Variants in ZFHX3 observed in about 807,000 individuals in gnomAD.
The protein encoded by ZFHX3 is zinc finger homeobox protein 3.
In ZFHX3, 42 loss-of-function variants were observed where a neutral mutation model predicts 279.1. The observed-to-expected ratio is 0.15, with a 90% CI of 0.12 to 0.19. ZFHX3 has a LOEUF of 0.19. ZFHX3 is among the 10% of genes least tolerant of loss of function. The pLI is 1.00. For missense variants in ZFHX3, 4,981 were observed against 4,754.0 expected, an observed-to-expected ratio of 1.05 and a Z score of -1.40; for synonymous variants, 2,293 against 1,957.8, an observed-to-expected ratio of 1.17 and a Z score of -4.52.
At chr16:73,778,505 G>A (rs951265551) in intron 1 of ZFHX3, among the ~76,000 whole-genome samples, 4 of 152,160 alleles carry the variant, frequency 2.6e-5, no homozygotes, top group Admixed American at 2.0e-4. Flanking sequence ...TCCCTCAGTG[G>A]TAGCAGCAAT....
intron 4 of ZFHX3, among the ~76,000 whole-genome samples, chr16:72,846,566 C>T (rs988432071): frequency 6.6e-6 from 1 of 152,216 alleles, no homozygotes; most frequent in Non-Finnish European, 1.5e-5. Flanking sequence ...GTCCTGAGAC[C>T]CACCACTCCC....
At chr16:72,986,862 C>T (rs1243031362) in intron 1 of ZFHX3, among the ~76,000 whole-genome samples, 1 of 152,080 alleles carries the variant, frequency 6.6e-6, no homozygotes, top group East Asian at 1.9e-4. Flanking sequence ...AACATAGAAC[C>T]CAGCCAGGTG....
At chr16:73,769,367 T>C (rs1195311335) in intron 1 of ZFHX3, among the ~76,000 whole-genome samples, 4 of 152,168 alleles carry the variant, frequency 2.6e-5, no homozygotes, top group Non-Finnish European at 5.9e-5. Flanking sequence ...CTCTTTCAGA[T>C]TGATTGAAAA....
intron 5 of ZFHX3, among the ~76,000 whole-genome samples, chr16:73,230,749 G>A (rs1183833828): frequency 6.6e-6 from 1 of 152,182 alleles, no homozygotes; most frequent in East Asian, 1.9e-4. Context: ...ATGAGTAGGG[G>A]CACCTCAGCC....
At chr16:73,687,869 A>G (rs10598478) in intron 1 of ZFHX3, among the ~76,000 whole-genome samples, 1 of 149,600 alleles carries the variant, frequency 6.7e-6, no homozygotes, top group African/African-American at 2.5e-5. Context: ...AAAAAAAAAA[A>G]CAGATTTAGT....
intron 7 of ZFHX3, among the ~76,000 whole-genome samples, chr16:73,125,691 A>G (rs1051476066): frequency 2.0e-5 from 3 of 151,974 alleles, no homozygotes; most frequent in Admixed American, 1.3e-4. Context: ...TCAGTTTTGG[A>G]ACTTGGACTG....
chr16:73,748,144 G>T (rs144084360), intron 1 of ZFHX3, among the ~76,000 whole-genome samples: 35 of 152,002 alleles, frequency 2.3e-4, no homozygotes, highest in African/African-American at 7.7e-4. Context: ...AAATTTCACG[G>T]GGATTTTTCA....
rs547443974 is a variant in ZFHX3 at position 73,492,438 on chromosome 16, C to T, written c.-1546-36180G>A. On this transcript the variant is annotated intron_variant, in intron 2 of 17. Transcript: ENST00000641206. ...ACTGCTATTCTCCTAGGAAGTATCC[C>T]TAACACCAGTCTCTCTCCACCCTGA... Among the ~76,000 whole-genome samples, 7 of 152,318 alleles carry T rather than the reference C, an allele frequency of 4.6e-5. No homozygotes were observed. In the East Asian group the frequency reaches 1.4e-3, roughly 29 times the overall value.
At chr16:73,602,912 T>G (rs1463997852) in intron 2 of ZFHX3, among the ~76,000 whole-genome samples, 1 of 144,244 alleles carries the variant, frequency 6.9e-6, no homozygotes, top group Non-Finnish European at 1.5e-5. Context: ...CACTCCAGCC[T>G]GGGTGAAACA....
chr16:73,498,260 C>T (rs1373281542), intron 2 of ZFHX3, among the ~76,000 whole-genome samples: 2 of 152,150 alleles, frequency 1.3e-5, no homozygotes, highest in Admixed American at 1.3e-4. Flanking sequence ...CAAATTAATT[C>T]ACATGGATAG....
chr16:72,930,430 G>A (rs1191863731), intron 3 of ZFHX3, among the ~76,000 whole-genome samples: 1 of 151,926 alleles, frequency 6.6e-6, no homozygotes, highest in African/African-American at 2.4e-5. Context: ...AAAAAAAAGA[G>A]GACGGGCGAT....
intron 2 of ZFHX3, among the ~76,000 whole-genome samples, chr16:73,632,900 C>A (rs2142148687): frequency 6.6e-6 from 1 of 152,120 alleles, no homozygotes; most frequent in South Asian, 2.1e-4. Context: ...CACAGTGAAA[C>A]CCTGTCTTTA....
Position 72,957,658 on chromosome 16 carries a change from G to A in ZFHX3, c.2488C>T (p.His830Tyr). Residue 830 changes from histidine (H) to tyrosine (Y), a missense_variant, in exon 2 of 10, where the codon CAT (histidine) becomes TAT (tyrosine). By Grantham distance (83) the His-to-Tyr change is moderately conservative. Around this residue, in one of 7 missense-constraint regions of ZFHX3, gnomAD observed 1,751 missense variants for 1,770.0 expected, o/e 0.99. Transcript: ENST00000268489. ...RIHMTSEKHM[H>Y]NMMLLQQNMT... ...TTCTGTTGCAGTAACATCATGTTAT[G>A]CATGTGCTTCTCACTGGTCATGTGA... is the stretch of plus-strand genomic sequence containing the variant. 1 of 1,614,208 alleles carries A rather than the reference G, an allele frequency of 6.2e-7. No individual in the cohort carries two copies. The highest frequency in any genetic ancestry group is 8.5e-7 in the Non-Finnish European group (1 of 1,180,048).
chr16:73,711,478 G>T (rs1480787789), intron 1 of ZFHX3, among the ~76,000 whole-genome samples: 4 of 152,102 alleles, frequency 2.6e-5, no homozygotes, highest in Non-Finnish European at 5.9e-5. Flanking sequence ...TCTGAATCTG[G>T]CAAAATCACT....
intron 3 of ZFHX3, among the ~76,000 whole-genome samples, chr16:72,943,771 G>A (rs1960530061): frequency 6.6e-6 from 1 of 152,130 alleles, no homozygotes; most frequent in Non-Finnish European, 1.5e-5. Flanking sequence ...CTGGCATTAG[G>A]TCCTGGGACC....
chr16:73,229,879 T>A (rs1409917365), intron 5 of ZFHX3, among the ~76,000 whole-genome samples: 1 of 152,202 alleles, frequency 6.6e-6, no homozygotes, highest in Admixed American at 6.5e-5. Context: ...GAATCTAGGA[T>A]TCTGCTAAGA....
chr16:73,477,163 A>T (rs980187491), intron 2 of ZFHX3, among the ~76,000 whole-genome samples: 1 of 152,250 alleles, frequency 6.6e-6, no homozygotes, highest in Non-Finnish European at 1.5e-5. Context: ...CTACAGATTC[A>T]CATGTGAATT....
rs34447211 is a variant in ZFHX3 at position 73,174,863 on chromosome 16, C to CAAA, written c.-1103-31035_-1103-31033dup. Among the ~76,000 whole-genome samples the CAAA allele has an allele frequency of 8.4e-3, 732 of 86,792 alleles. 7 individuals carry two copies. The highest frequency in any genetic ancestry group is 0.028 in the African/African-American group (686 of 24,402). 56.9% of individuals were successfully genotyped at this position (86,792 alleles called of 152,430 possible). On this transcript the variant is annotated intron_variant, in intron 5 of 17. Transcript: ENST00000641206. ...CAAAACCCCGTCTCTACTAAAAATA[C>CAAA]AAAAAAAAAAAAAAAAAAAAATTAG... is the stretch of plus-strand genomic sequence containing the variant.
At chr16:72,792,045 G>T (rs927792588) in intron 9 of ZFHX3, among the ~76,000 whole-genome samples, 1 of 152,136 alleles carries the variant, frequency 6.6e-6, no homozygotes, top group Non-Finnish European at 1.5e-5. Context: ...AGGCCATTGT[G>T]GGGGGAATTT....
Sources: gnomAD v4.1 joint callset for allele counts (sites outside exome capture counted in the v4.1 genomes callset) on GRCh38, gnomAD v4.1.1 for gene constraint, gnomAD v4.1.1 regional missense constraint, MANE v1.5 for transcripts, NCBI Gene and HGNC (gene_info 2026-07-23, HGNC 2026-07-21) for gene names.